PCDH15: variants seen among roughly 807,000 people sequenced by gnomAD.
PCDH15 encodes the protein protocadherin-15.
A neutral mutation model predicts 178.5 loss-of-function variants in PCDH15; 129 were observed. The ratio of observed to expected loss-of-function variants is 0.72; its 90% CI spans 0.63 to 0.84. The LOEUF (loss-of-function observed/expected upper bound fraction) is 0.84. Ranked by LOEUF, PCDH15 falls within the 40% of genes least tolerant of loss-of-function variation. PCDH15 has a pLI of 0.00. For missense variants in PCDH15, 2,230 were observed against 2,099.9 expected (o/e 1.06, Z -1.21); for synonymous variants, 800 against 732.0 (o/e 1.09, Z -1.50).
chr10:55,062,752 GTAT>G (rs1441499709), intron 2 of PCDH15, among the ~76,000 whole-genome samples: 1 of 152,126 alleles, frequency 6.6e-6, no homozygotes, highest in African/African-American at 2.4e-5. Flanking sequence ...TGATAACGAA[GTAT>G]TACTATAGAC....
intron 20 of PCDH15, among the ~76,000 whole-genome samples, chr10:54,002,036 AATATAT>A (rs762826959): frequency 6.9e-6 from 1 of 144,160 alleles, no homozygotes; most frequent in Admixed American, 7.0e-5. Flanking sequence ...AACAATTGTA[AATATAT>A]ATACATATAT....
chr10:55,047,415 C>T (rs202038356), intron 2 of PCDH15, among the ~76,000 whole-genome samples: 37 of 422 alleles, frequency 0.088, 1 homozygote, highest in South Asian at 0.47. Context: ...ACTTCAATCT[C>T]ATTCTGAATT....
At chr10:54,303,254 C>A (rs1392817227) in intron 8 of PCDH15, among the ~76,000 whole-genome samples, 1 of 151,884 alleles carries the variant, frequency 6.6e-6, no homozygotes, top group Non-Finnish European at 1.5e-5. Context: ...TCTCTGTATG[C>A]ATTTTTTTTT....
chr10:54,867,214 T>G (rs1591752693), intron 3 of PCDH15, among the ~76,000 whole-genome samples: 1 of 152,160 alleles, frequency 6.6e-6, no homozygotes, highest in East Asian at 1.9e-4. Context: ...CTTTCAGAGC[T>G]TCCGTGGTAT....
At position 54,600,414 on chromosome 10, in the gene PCDH15, A is replaced by G. The variant is rs117811501; in HGVS notation, c.91+63758T>C. ...AAGGCAGTGGGAGGGAAGAGGAGTA[A>G]GACATTGTCACCAATGACCTAGACT... On this transcript the variant is annotated intron_variant, in intron 2 of 37. Transcript: ENST00000644397. 1.6e-5 allele frequency: 9 copies of G among 572,084 alleles called. No individual in the cohort carries two copies. The East Asian group carries it at 4.1e-4, about 26-fold the overall frequency. The allele number at this position is 572,084 out of a possible 1,614,324, so 35.4% of individuals were successfully genotyped here. A position where few individuals can be genotyped will look rare whatever the true frequency, so the allele number is the denominator to read the frequency against.
chr10:55,039,164 G>C (rs929508667), intron 2 of PCDH15, among the ~76,000 whole-genome samples: 1 of 151,778 alleles, frequency 6.6e-6, no homozygotes, highest in African/African-American at 2.4e-5. Context: ...TTAGAAATTA[G>C]ATTGGAAAAA....
Position 55,078,424 on chromosome 10 carries a change from CT to C in PCDH15, c.-80+88151del, listed in dbSNP as rs377460327. Among the ~76,000 whole-genome samples the C allele has an allele frequency of 4.1e-4, 62 of 152,180 alleles. 1 individual carries two copies. The East Asian group carries it at 0.011, about 26-fold the overall frequency. On this transcript the variant is annotated intron_variant, in intron 2 of 5. Coordinates refer to the PCDH15 transcript ENST00000458638. ...AAATAGGTTTTCCAACTTTTTCATT[CT>C]TCATCCTCTGAAATACTGATAATTT...
intron 1 of PCDH15, among the ~76,000 whole-genome samples, chr10:55,294,204 C>G (rs1056471124): frequency 2.0e-5 from 3 of 152,098 alleles, no homozygotes; most frequent in African/African-American, 7.2e-5. Context: ...ATAACAAGAA[C>G]AAAACAGGAA....
intron 32 of PCDH15, chr10:53,823,178 TAGAAATG>T: frequency 6.2e-7 from 1 of 1,614,072 alleles, no homozygotes; most frequent in Non-Finnish European, 8.5e-7. Context: ...CCTCATCAGA[TAGAAATG>T]TGAATTTTCT....
intron 1 of PCDH15, among the ~76,000 whole-genome samples, chr10:55,204,319 C>G (rs537306919): frequency 6.7e-6 from 1 of 150,158 alleles, no homozygotes; most frequent in Non-Finnish European, 1.5e-5. Context: ...TATACATATA[C>G]AAATATACAC....
At position 53,942,478 on chromosome 10, in the gene PCDH15, A is replaced by G. The variant is rs550327511; in HGVS notation, c.3123-1503T>C. ...AGTGTTCATGTGATGTATACGTCTC[A>G]TGTAAATTCAATGGACATACTACAT... On this transcript the variant is annotated intron_variant, in intron 23 of 37. Coordinates refer to ENST00000644397, the MANE Select transcript of PCDH15 (RefSeq NM_001384140.1). 2.5e-4 allele frequency among the ~76,000 whole-genome samples: 38 copies of G among 152,338 alleles called. No homozygotes were observed. In the Middle Eastern group the frequency reaches 0.01, roughly 41 times the overall value.
chr10:54,820,770 G>A (rs1015565221), intron 3 of PCDH15, among the ~76,000 whole-genome samples: 1 of 151,916 alleles, frequency 6.6e-6, no homozygotes, highest in Non-Finnish European at 1.5e-5. Context: ...ATCCACATTT[G>A]TCTTTAAAGC....
intron 2 of PCDH15, among the ~76,000 whole-genome samples, chr10:55,408,389 T>C (rs1838254781): frequency 6.6e-6 from 1 of 151,966 alleles, no homozygotes; most frequent in African/African-American, 2.4e-5. Context: ...ATTCACCATA[T>C]TGTCCAGGCT....
At chr10:55,098,962 A>C (rs192968935) in intron 2 of PCDH15, among the ~76,000 whole-genome samples, 1 of 134,434 alleles carries the variant, frequency 7.4e-6, no homozygotes, top group South Asian at 2.4e-4. Flanking sequence ...TCTTTTGCCT[A>C]TTAAACCTCT....
At chr10:54,104,255 C>G (rs982526844) in intron 15 of PCDH15, among the ~76,000 whole-genome samples, 5 of 152,124 alleles carry the variant, frequency 3.3e-5, no homozygotes, top group African/African-American at 9.7e-5. Flanking sequence ...AAAAAAGTTT[C>G]ATCAGAGTTT....
At chr10:54,066,957 T>C in intron 17 of PCDH15, 72 bp from the exon 18 acceptor site, 1 of 1,471,740 alleles carries the variant, frequency 6.8e-7, no homozygotes, top group Non-Finnish European at 9.4e-7. Context: ...GTAGTCATTC[T>C]GGCATTTGTC....
chr10:54,171,376 A>T (rs371416957), intron 13 of PCDH15, among the ~76,000 whole-genome samples: 1 of 152,200 alleles, frequency 6.6e-6, no homozygotes, highest in Admixed American at 6.5e-5. Flanking sequence ...GCCTGTCCTC[A>T]GAATGCTACA....
intron 8 of PCDH15, among the ~76,000 whole-genome samples, chr10:54,267,003 T>A (rs551370979): frequency 6.6e-6 from 1 of 151,734 alleles, no homozygotes; most frequent in African/African-American, 2.4e-5. Context: ...GGCCAATATA[T>A]CTGATGAACA....
At chr10:54,743,386 T>C (rs1237742959) in intron 1 of PCDH15, among the ~76,000 whole-genome samples, 1 of 152,080 alleles carries the variant, frequency 6.6e-6, no homozygotes, top group Non-Finnish European at 1.5e-5. Flanking sequence ...AAGTCAGCAC[T>C]TCTCCTTACA....
Sources: allele counts gnomAD v4.1 joint callset (sites outside exome capture counted in the v4.1 genomes callset), GRCh38; gene constraint gnomAD v4.1.1; transcripts MANE v1.5; gene names NCBI Gene and HGNC (gene_info 2026-07-23, HGNC 2026-07-21).